SLCO2B1: variants seen among roughly 807,000 people sequenced by gnomAD.
SLCO2B1 encodes OATP-RP2.
In SLCO2B1, 41 loss-of-function variants were observed where a neutral mutation model predicts 67.3. The ratio of observed to expected loss-of-function variants is 0.61; its 90% CI spans 0.47 to 0.79. The LOEUF is 0.79. Ranked by LOEUF, SLCO2B1 falls within the 30% of genes least tolerant of loss-of-function variation. The pLI is 0.00. For missense variants in SLCO2B1, 837 were observed against 920.1 expected (o/e 0.91, Z 1.17); for synonymous variants, 379 against 381.4 (o/e 0.99, Z 0.07).
intron 7 of SLCO2B1, among the ~76,000 whole-genome samples, chr11:75,180,719 T>G (rs1448149495): frequency 6.6e-6 from 1 of 152,224 alleles, no homozygotes; most frequent in Non-Finnish European, 1.5e-5. Flanking sequence ...CATTTATTAC[T>G]TACTCTGTAC....
rs138940575 is a variant in SLCO2B1 at position 75,189,296 on chromosome 11, C to T, written c.1075+1058C>T. Reference sequence around the variant, plus strand: ...ACTTGGATTTGAGCCCTGCCCCTAACAGTGACCAGTGTATAATCTTAAAGA... The same window carrying T: ...ACTTGGATTTGAGCCCTGCCCCTAATAGTGACCAGTGTATAATCTTAAAGA... On this transcript the variant is annotated intron_variant, in intron 8 of 13. Coordinates refer to ENST00000289575, the MANE Select transcript of SLCO2B1 (RefSeq NM_007256.5). Among the ~76,000 whole-genome samples the T allele has an allele frequency of 8.0e-3, 1,214 of 152,304 alleles. 13 individuals are homozygous for T. The highest frequency in any genetic ancestry group is 0.015 in the South Asian group (73 of 4,822).
chr11:75,166,228 C>T (rs1949890718), intron 4 of SLCO2B1, among the ~76,000 whole-genome samples: 1 of 152,106 alleles, frequency 6.6e-6, no homozygotes, highest in African/African-American at 2.4e-5. Context: ...ATTTACAACA[C>T]AGCCTACTTT....
At chr11:75,154,538 G>A (rs1223440185) in intron 1 of SLCO2B1, among the ~76,000 whole-genome samples, 1 of 152,112 alleles carries the variant, frequency 6.6e-6, no homozygotes, top group African/African-American at 2.4e-5. Context: ...GGAAATAAAA[G>A]CTAGGAGGAG....
chr11:75,195,938 G>C (rs760561105), intron 9 of SLCO2B1, among the ~76,000 whole-genome samples: 2 of 151,906 alleles, frequency 1.3e-5, no homozygotes, highest in Non-Finnish European at 2.9e-5. Flanking sequence ...CCTGGAGCTG[G>C]GGCACCCCAG....
intron 9 of SLCO2B1, among the ~76,000 whole-genome samples, chr11:75,195,418 G>GTC (rs1945084928): frequency 1.3e-5 from 2 of 151,674 alleles, no homozygotes; most frequent in Admixed American, 6.6e-5. Context: ...CACAAGCACT[G>GTC]TCTGGCAGAG....
At chr11:75,180,210 T>A (rs920157457) in intron 7 of SLCO2B1, among the ~76,000 whole-genome samples, 2 of 150,194 alleles carry the variant, frequency 1.3e-5, no homozygotes, top group African/African-American at 4.9e-5. Flanking sequence ...AGAGACGGGG[T>A]TTCGCCATGT....
At chr11:75,170,054 T>G in intron 6 of SLCO2B1, 2 of 359,606 alleles carry the variant, frequency 5.6e-6, no homozygotes, top group Non-Finnish European at 1.0e-5. Context: ...CTTCGCCTTG[T>G]TCCATACCCC....
In SLCO2B1 at chr11:75,165,999, CT is replaced by C. The variant is rs751762937; in HGVS notation, c.448+53del. The stretch of plus-strand genomic sequence containing the variant: ...GAGTGGGACGTTAGCCTCTGCATTG[CT>C]TTGCGCTGGGGCCCACCCCACAGGC... On this transcript the variant is annotated intron_variant, in intron 4 of 13. Coordinates refer to ENST00000289575, the MANE Select transcript of SLCO2B1 (RefSeq NM_007256.5). The C allele has an allele frequency of 1.1e-4, 171 of 1,576,118 alleles. 2 individuals carry two copies. Among genetic ancestry groups the C allele is most frequent in the Non-Finnish European group, 4.3e-6 (5 of 1,157,552 alleles).
At chr11:75,165,677 A>T in intron 3 of SLCO2B1, 110 bp from the exon 4 acceptor site, 2 of 1,218,208 alleles carry the variant, frequency 1.6e-6, no homozygotes, top group Non-Finnish European at 2.3e-6. Context: ...ATTTTTATTC[A>T]GTCCATTATT....
intron 1 of SLCO2B1, 52 bp downstream of exon 1, chr11:75,151,449 T>C (rs763422995): frequency 1.2e-6 from 2 of 1,602,216 alleles, no homozygotes; most frequent in South Asian, 2.2e-5. Context: ...CTGGGGGACA[T>C]GTTCCCAGAG....
intron 7 of SLCO2B1, among the ~76,000 whole-genome samples, chr11:75,172,901 C>G (rs1426121830): frequency 6.6e-6 from 1 of 151,622 alleles, no homozygotes; most frequent in Non-Finnish European, 1.5e-5. Context: ...TGCACTCCAG[C>G]CTGGGCAACA....
At chr11:75,185,493 A>G (rs1388053186) in intron 7 of SLCO2B1, among the ~76,000 whole-genome samples, 3 of 139,856 alleles carry the variant, frequency 2.1e-5, no homozygotes, top group South Asian at 2.3e-4. Context: ...CCCATTGGGT[A>G]TAAGTCTCTT....
chr11:75,152,980 T>G (rs1330748902), intron 1 of SLCO2B1, among the ~76,000 whole-genome samples: 1 of 152,112 alleles, frequency 6.6e-6, no homozygotes, highest in Non-Finnish European at 1.5e-5. Flanking sequence ...GAAGTTCAGA[T>G]CCGGCTCCAG....
Position 75,165,949 on chromosome 11 carries a change from G to C in SLCO2B1, c.448G>C (p.Glu150Gln), listed in dbSNP as rs765826108. The stretch of plus-strand genomic sequence containing the variant: ...ATACCGCTACGACAACACCAGCCCT[G>C]GTAAGAGCAGCAGGGGCTGGGCAGG... ...EPYRYDNTSP[E>Q]DMPQDFKASL... The change falls in exon 4 of 14, where the codon GAG becomes CAG. Residue 150 changes from glutamate to glutamine, a missense_variant and splice_region_variant. Transcript: ENST00000289575. 3 of 1,613,118 alleles carry C rather than the reference G, an allele frequency of 1.9e-6. No homozygotes were observed. Among genetic ancestry groups the C allele is most frequent in the Non-Finnish European group, 2.5e-6 (3 of 1,179,340 alleles).
chr11:75,171,158 G>A (rs1949955475), intron 6 of SLCO2B1, among the ~76,000 whole-genome samples: 1 of 152,344 alleles, frequency 6.6e-6, no homozygotes, highest in East Asian at 1.9e-4. Flanking sequence ...AGGTGCGTTT[G>A]CTAAGTGCCA....
chr11:75,166,766 G>A (rs1949897948), intron 4 of SLCO2B1, among the ~76,000 whole-genome samples: 1 of 152,218 alleles, frequency 6.6e-6, no homozygotes, highest in Non-Finnish European at 1.5e-5. Flanking sequence ...CCCAGCCTGG[G>A]AGAGGAGACA....
chr11:75,157,643 C>T (rs1377079410), intron 1 of SLCO2B1, among the ~76,000 whole-genome samples: 1 of 152,124 alleles, frequency 6.6e-6, no homozygotes, highest in Non-Finnish European at 1.5e-5. Context: ...GCAAGGGCCA[C>T]CTATATGCCA....
chr11:75,196,439 AG>A, intron 9 of SLCO2B1, 74 bp from the exon 10 acceptor site: 1 of 1,462,772 alleles, frequency 6.8e-7, no homozygotes, highest in Admixed American at 2.0e-5. Context: ...TCTCGGCTAC[AG>A]GGCCGAGGAT....
In SLCO2B1 at chr11:75,203,350, C is replaced by G; in HGVS notation, c.1872C>G (p.Thr624=). ...TGATCCACGGCAGCGCCATCGACAC[C>G]ACCTGTGTGCACTGGGCCCTGAGCT... ...SPVIHGSAID[T]TCVHWALSCG... The change falls in exon 13 of 14, where the codon ACC becomes ACG. Residue 624 remains threonine, a synonymous_variant. Coordinates refer to ENST00000289575, the MANE Select transcript of SLCO2B1 (RefSeq NM_007256.5). 3 of 1,614,162 alleles carry G rather than the reference C, an allele frequency of 1.9e-6. No homozygotes were observed. Among genetic ancestry groups the G allele is most frequent in the Non-Finnish European group, 2.5e-6 (3 of 1,180,016 alleles).
Sources: allele counts gnomAD v4.1 joint callset (sites outside exome capture counted in the v4.1 genomes callset), GRCh38; gene constraint gnomAD v4.1.1; transcripts MANE v1.5; gene names NCBI Gene and HGNC (gene_info 2026-07-23, HGNC 2026-07-21).